The following LPGAT1 variants were observed in gnomAD, a reference collection of about 807,000 sequenced individuals.
LPGAT1 encodes acyl-CoA:lysophosphatidylglycerol acyltransferase 1.
Under a neutral mutation model 47.5 loss-of-function variants are expected in LPGAT1, and 11 were observed. The ratio of observed to expected loss-of-function variants is 0.23; its 90% confidence interval spans 0.15 to 0.38. The LOEUF (loss-of-function observed/expected upper bound fraction) is 0.38. Among genes scored for constraint, LPGAT1 ranks in the 10% least tolerant of loss-of-function variants. The pLI is 1.00. For synonymous variants in LPGAT1, 138 were observed against 144.2 expected (o/e 0.96, Z 0.31); for missense variants, 293 against 439.0 (o/e 0.67, Z 2.97).
At chr1:211,798,460 G>A (rs1211322082) in intron 2 of LPGAT1, among the ~76,000 whole-genome samples, 2 of 152,100 alleles carry the variant, frequency 1.3e-5, no homozygotes, top group Non-Finnish European at 2.9e-5. Context: ...CGAGGCAGGA[G>A]GACCCCTTGA....
chr1:211,791,392 AT>A (rs1439294832), intron 3 of LPGAT1, among the ~76,000 whole-genome samples: 1 of 152,120 alleles, frequency 6.6e-6, no homozygotes, highest in African/African-American at 2.4e-5. Context: ...TCTCCCCTTC[AT>A]AAAGTTTTCT....
chr1:211,801,267 A>C (rs1659563854), intron 2 of LPGAT1, among the ~76,000 whole-genome samples: 2 of 152,196 alleles, frequency 1.3e-5, no homozygotes, highest in Admixed American at 6.5e-5. Context: ...TGCAGGGATG[A>C]GTCTGCACAA....
At chr1:211,813,660 T>C (rs1660074826) in intron 2 of LPGAT1, among the ~76,000 whole-genome samples, 1 of 152,232 alleles carries the variant, frequency 6.6e-6, no homozygotes, top group African/African-American at 2.4e-5. Context: ...AATGGAATTA[T>C]TTCTCAGGAG....
intron 6 of LPGAT1, among the ~76,000 whole-genome samples, chr1:211,763,100 G>T (rs551532956): frequency 6.6e-6 from 1 of 152,150 alleles, no homozygotes; most frequent in East Asian, 1.9e-4. Context: ...ATCTACTTAT[G>T]GCATGGGACA....
chr1:211,750,872 T>G (rs1657148060), intron 7 of LPGAT1, 89 bp downstream of exon 7: 2 of 951,592 alleles, frequency 2.1e-6, no homozygotes, highest in Admixed American at 2.3e-5. Context: ...TTTTCAAGTT[T>G]CAAGATCTAA....
Position 211,749,783 on chromosome 1 carries a change from A to G in LPGAT1, c.*116T>C. ...AAGGGGGATAAATATTAATCCATCC[A>G]TTGAATTTCTTTTGCTTTTTTTTAA... On this transcript the variant is annotated 3_prime_UTR_variant, in exon 8 of 8. Transcript: ENST00000366997. 2 of 1,044,088 alleles carry G rather than the reference A, an allele frequency of 1.9e-6. No individual in the cohort carries two copies. Among genetic ancestry groups the G allele is most frequent in the South Asian group, 2.8e-5 (2 of 70,608 alleles). 64.7% of individuals were successfully genotyped at this position (1,044,088 alleles called of 1,614,324 possible).
chr1:211,781,599 T>C (rs1187644690), intron 5 of LPGAT1, among the ~76,000 whole-genome samples: 2 of 152,232 alleles, frequency 1.3e-5, no homozygotes, highest in Non-Finnish European at 2.9e-5. Context: ...CAGTTAAATC[T>C]GAGTTAAATC....
intron 2 of LPGAT1, 42 bp downstream of exon 2, chr1:211,829,017 A>G: frequency 6.2e-7 from 1 of 1,600,332 alleles, no homozygotes. Flanking sequence ...GTTCCTGACA[A>G]ATTTTTTCTT....
At position 211,748,074 on chromosome 1, in the gene LPGAT1, C is replaced by A. The variant is rs1413253216; in HGVS notation, c.*1825G>T. ...CCACATAACTGGGGAAAATTCACAT[C>A]TTTTCTGTTTTTTTTTGGTTTATTT... is the stretch of plus-strand genomic sequence containing the variant. On this transcript the variant is annotated 3_prime_UTR_variant, in exon 8 of 8. Transcript: ENST00000366997. 6.6e-6 allele frequency: 1 copy of A among 151,186 alleles called. No individual in the cohort carries two copies. Among genetic ancestry groups the A allele is most frequent in the African/African-American group, 2.4e-5 (1 of 41,346 alleles). The allele number at this position is 151,186 out of a possible 1,614,324, so 9.4% of individuals were successfully genotyped here.
chr1:211,800,598 G>T (rs1242850671), intron 2 of LPGAT1, among the ~76,000 whole-genome samples: 1 of 152,158 alleles, frequency 6.6e-6, no homozygotes, highest in Non-Finnish European at 1.5e-5. Context: ...GGGAGCTAGT[G>T]GCATTTTGGG....
rs373021672 is a variant in LPGAT1 at position 211,784,490 on chromosome 1, CAAA to C, written c.454-991_454-989del. 4.7e-4 allele frequency among the ~76,000 whole-genome samples: 53 copies of C among 112,524 alleles called. 1 individual carries two copies. The highest frequency in any genetic ancestry group is 5.2e-4 in the Non-Finnish European group (29 of 55,482). 73.8% of individuals were successfully genotyped at this position (112,524 alleles called of 152,430 possible). On this transcript the variant is annotated intron_variant, in intron 4 of 7. Transcript: ENST00000366997. ...TGGGTGATAGAGTGAGACCCTGTCT[CAAA>C]AAAAAAAAAAAAAAGAAAAAAGAAA...
chr1:211,824,956 A>C (rs1299344059), intron 2 of LPGAT1, among the ~76,000 whole-genome samples: 1 of 152,118 alleles, frequency 6.6e-6, no homozygotes, highest in Non-Finnish European at 1.5e-5. Context: ...GGGGAGCAGG[A>C]GGTAACTAAA....
At chr1:211,825,269 G>C (rs1213189125) in intron 2 of LPGAT1, among the ~76,000 whole-genome samples, 1 of 120,208 alleles carries the variant, frequency 8.3e-6, no homozygotes, top group Non-Finnish European at 1.6e-5. Context: ...ACAGCTCACT[G>C]TAACCTCGAA....
intron 2 of LPGAT1, chr1:211,803,074 T>C (rs1659630652): frequency 6.6e-6 from 1 of 152,092 alleles, no homozygotes; most frequent in Non-Finnish European, 1.5e-5. Flanking sequence ...CTGAACTTGT[T>C]TTCCTCACTA....
At chr1:211,771,159 TA>T (rs1395209270) in intron 6 of LPGAT1, among the ~76,000 whole-genome samples, 2 of 151,844 alleles carry the variant, frequency 1.3e-5, no homozygotes, top group Non-Finnish European at 2.9e-5. Context: ...TATGTTTAGA[TA>T]CACAAATACT....
chr1:211,763,567 T>A (rs979315061), intron 6 of LPGAT1, among the ~76,000 whole-genome samples: 6 of 152,202 alleles, frequency 3.9e-5, no homozygotes, highest in African/African-American at 1.4e-4. Flanking sequence ...AACTTAGATA[T>A]AGGATTTTTT....
intron 6 of LPGAT1, among the ~76,000 whole-genome samples, chr1:211,767,342 G>A (rs1374132628): frequency 6.6e-6 from 1 of 151,952 alleles, no homozygotes; most frequent in African/African-American, 2.4e-5. Flanking sequence ...CACTATGTTG[G>A]CCAGGCTGAT....
chr1:211,777,047 T>C (rs1440583001), intron 6 of LPGAT1, among the ~76,000 whole-genome samples: 1 of 152,230 alleles, frequency 6.6e-6, no homozygotes, highest in Non-Finnish European at 1.5e-5. Context: ...AAACACCTTG[T>C]CCTTGTTTAA....
intron 2 of LPGAT1, among the ~76,000 whole-genome samples, chr1:211,819,201 T>TA (rs1660280264): frequency 6.6e-6 from 1 of 152,054 alleles, no homozygotes; most frequent in Non-Finnish European, 1.5e-5. Context: ...AACAAAAATA[T>TA]AAAAATCCCA....
Sources: allele counts gnomAD v4.1 joint callset (sites outside exome capture counted in the v4.1 genomes callset), GRCh38; gene constraint gnomAD v4.1.1; transcripts MANE v1.5; gene names NCBI Gene and HGNC (gene_info 2026-07-23, HGNC 2026-07-21).